Variants in CSRP2 observed in about 807,000 individuals in gnomAD.
The protein encoded by CSRP2 is cysteine and glycine-rich protein 2.
Under a neutral mutation model 24.6 loss-of-function variants are expected in CSRP2, and 18 were observed. That is an observed-to-expected ratio of 0.73 (90% CI 0.51 to 1.09). The LOEUF (loss-of-function observed/expected upper bound fraction) is 1.09. Ranked by LOEUF, CSRP2 falls within the 50% of genes least tolerant of loss-of-function variation. The pLI, the probability that CSRP2 is intolerant of heterozygous loss-of-function variation, is 0.00. For synonymous variants in CSRP2, 87 were observed against 84.3 expected, an observed-to-expected ratio of 1.03 and a Z score of -0.18; for missense variants, 215 against 239.4, an observed-to-expected ratio of 0.90 and a Z score of 0.67.
rs993389514 is a variant in CSRP2, at chr12:76,863,593, C to G, written c.113-249G>C. 26 of 376,180 alleles carry G rather than the reference C, an allele frequency of 6.9e-5. No individual in the cohort carries two copies. In the South Asian group the frequency reaches 8.5e-4, roughly 12 times the overall value. 23.3% of individuals were successfully genotyped at this position (376,180 alleles called of 1,614,324 possible). Reference sequence around the variant, plus strand: ...TGTATCAGAATATAACATCCAGAAGCCTCAAGCTTTATTTTTAGTTTGTTT... The same window carrying G: ...TGTATCAGAATATAACATCCAGAAGGCTCAAGCTTTATTTTTAGTTTGTTT... On this transcript the variant is annotated intron_variant, in intron 2 of 5. Coordinates refer to ENST00000311083, the MANE Select transcript of CSRP2 (RefSeq NM_001321.3).
rs1953665643 is a variant in CSRP2 at position 76,860,519 on chromosome 12, CA to C, written c.282-107del. 7 of 1,360,060 alleles carry C rather than the reference CA, an allele frequency of 5.1e-6. No individual in the cohort carries two copies. In the African/African-American group the frequency reaches 1.0e-4, roughly 20 times the overall value. The allele number at this position is 1,360,060 out of a possible 1,614,324, so 84.2% of individuals were successfully genotyped here. ...CTGGGACTTAACCGCTACACTGCCTCAAAGCTGGAAGCCTTTGCAGGCCAGC... is the reference window on the plus strand; with the variant it reads ...CTGGGACTTAACCGCTACACTGCCTCAAGCTGGAAGCCTTTGCAGGCCAGC... On this transcript the variant is annotated intron_variant, in intron 3 of 5. Coordinates refer to ENST00000311083, the MANE Select transcript of CSRP2 (RefSeq NM_001321.3).
intron 1 of CSRP2, among the ~76,000 whole-genome samples, chr12:76,871,720 T>C (rs998998245): frequency 3.4e-5 from 5 of 148,310 alleles, no homozygotes; most frequent in Admixed American, 1.4e-4. Context: ...GCCGAGATAG[T>C]GCCACTGCAG....
At chr12:76,877,919 G>T (rs1259342017) in intron 1 of CSRP2, among the ~76,000 whole-genome samples, 1 of 152,062 alleles carries the variant, frequency 6.6e-6, no homozygotes, top group Non-Finnish European at 1.5e-5. Context: ...TAAATACGAC[G>T]ATTTTCGCTG....
chr12:76,862,670 A>G, intron 3 of CSRP2: 1 of 1,121,890 alleles, frequency 8.9e-7, no homozygotes, highest in Non-Finnish European at 1.2e-6. Context: ...TTTAAAGTTT[A>G]ACACTACTCT....
At chr12:76,860,446 A>AG (rs1565820002) in intron 3 of CSRP2, 33 bp from the exon 4 acceptor site, 1 of 1,609,394 alleles carries the variant, frequency 6.2e-7, no homozygotes, top group Non-Finnish European at 8.5e-7. Context: ...AGTAGGCAAG[A>AG]GTTTCCACAG....
intron 3 of CSRP2, chr12:76,861,086 G>A (rs954247483): frequency 1.3e-5 from 2 of 151,564 alleles, no homozygotes; most frequent in African/African-American, 4.8e-5. Flanking sequence ...CATATTTCTT[G>A]CTATCAGTAG....
chr12:76,876,796 AAC>A (rs1263537568), intron 1 of CSRP2, among the ~76,000 whole-genome samples: 1 of 152,228 alleles, frequency 6.6e-6, no homozygotes, highest in Non-Finnish European at 1.5e-5. Context: ...TCTCTCCTGA[AAC>A]AGACTTTCAC....
At chr12:76,876,799 A>C (rs778599151) in intron 1 of CSRP2, among the ~76,000 whole-genome samples, 2 of 152,242 alleles carry the variant, frequency 1.3e-5, no homozygotes, top group African/African-American at 2.4e-5. Flanking sequence ...CTCCTGAAAC[A>C]GACTTTCACT....
chr12:76,862,699 A>C (rs1374752342), intron 3 of CSRP2: 29 of 1,247,078 alleles, frequency 2.3e-5, no homozygotes, highest in African/African-American at 4.6e-5. Flanking sequence ...ATCAAAAATA[A>C]GAAGTAATTT....
At chr12:76,861,778 T>G (rs1953683117) in intron 3 of CSRP2, 1 of 152,270 alleles carries the variant, frequency 6.6e-6, no homozygotes, top group South Asian at 2.1e-4. Context: ...GACCCGACTC[T>G]TAGTGTCGTC....
chr12:76,860,665 C>T lies in CSRP2; in HGVS notation c.282-252G>A, dbSNP rs959387030. 1.2e-5 allele frequency: 4 copies of T among 334,012 alleles called. No individual in the cohort carries two copies. In the Admixed American group the frequency reaches 1.7e-4, roughly 14 times the overall value. 20.7% of individuals were successfully genotyped at this position (334,012 alleles called of 1,614,324 possible). A position where few individuals can be genotyped will look rare whatever the true frequency, so the allele number is the denominator to read the frequency against. On this transcript the variant is annotated intron_variant, in intron 3 of 5. Coordinates refer to ENST00000311083, the MANE Select transcript of CSRP2 (RefSeq NM_001321.3). ...TAGGGACCCAAACGTAAAGATCTGT[C>T]CCTCTGAGTCTAAACAGAATTCATT...
intron 1 of CSRP2, among the ~76,000 whole-genome samples, chr12:76,869,390 C>G (rs1051137149): frequency 6.6e-6 from 1 of 152,140 alleles, no homozygotes; most frequent in Non-Finnish European, 1.5e-5. Flanking sequence ...CATAGCAACC[C>G]CCAACTCCAA....
At chr12:76,863,516 A>G (rs1020835155) in intron 2 of CSRP2, 172 bp from the exon 3 acceptor site, 10 of 556,262 alleles carry the variant, frequency 1.8e-5, no homozygotes, top group African/African-American at 7.6e-5. Flanking sequence ...CTGGCCAGCT[A>G]CATTCGAGGA....
At chr12:76,871,734 C>T (rs576648391) in intron 1 of CSRP2, among the ~76,000 whole-genome samples, 3 of 150,440 alleles carry the variant, frequency 2.0e-5, no homozygotes, top group South Asian at 2.1e-4. Flanking sequence ...ACTGCAGTCC[C>T]GCCTGGGTGA....
At chr12:76,859,108 C>T in intron 5 of CSRP2, 80 bp from the exon 6 acceptor site, 1 of 1,150,314 alleles carries the variant, frequency 8.7e-7, no homozygotes, top group Non-Finnish European at 1.3e-6. Context: ...ACTCAACAAA[C>T]CCCCATAAAT....
intron 1 of CSRP2, among the ~76,000 whole-genome samples, chr12:76,873,692 T>C (rs947267931): frequency 7.2e-5 from 11 of 152,208 alleles, no homozygotes; most frequent in African/African-American, 2.7e-4. Flanking sequence ...GAGGTAACGC[T>C]TGCATAGTGG....
At chr12:76,869,261 CA>C (rs1953767673) in intron 1 of CSRP2, among the ~76,000 whole-genome samples, 1 of 152,082 alleles carries the variant, frequency 6.6e-6, no homozygotes, top group African/African-American at 2.4e-5. Flanking sequence ...GGTACTAATC[CA>C]TTCAAGAGAG....
chr12:76,864,699 G>T (rs1407732827), intron 2 of CSRP2: 1 of 152,070 alleles, frequency 6.6e-6, no homozygotes, highest in Non-Finnish European at 1.5e-5. Context: ...AAGAGGAGGG[G>T]AGGGAAGCAG....
chr12:76,858,925 T>A lies in CSRP2; in HGVS notation c.*27A>T. On this transcript the variant is annotated 3_prime_UTR_variant, in exon 6 of 6. Transcript: ENST00000311083. ...CTAGATTATGAAGAGATTCTCAGTG[T>A]GTGATGTTTAGTTCAGGGTTTACAT... 1 of 1,575,974 alleles carries A rather than the reference T, an allele frequency of 6.3e-7. No homozygotes were observed. The highest frequency in any genetic ancestry group is 8.7e-7 in the Non-Finnish European group (1 of 1,145,312).
Sources: gnomAD v4.1 joint callset for allele counts (sites outside exome capture counted in the v4.1 genomes callset) on GRCh38, gnomAD v4.1.1 for gene constraint, MANE v1.5 for transcripts, NCBI Gene and HGNC (gene_info 2026-07-23, HGNC 2026-07-21) for gene names.